Variants in ABTB3 observed in about 807,000 individuals in gnomAD.
ABTB3 encodes ankyrin repeat- and BTB/POZ domain-containing protein 3.
At chr12:107,469,934 CTTTCTT>C in the ABTB3 span, among the ~76,000 whole-genome samples, 210 of 89,676 alleles carry the variant, frequency 2.3e-3, 8 homozygotes, top group East Asian at 0.013. Flanking sequence ...CTCTCTCTCT[CTTTCTT>C]TCTCTTTCTT....
At chr12:107,413,242 C>G in the ABTB3 span, among the ~76,000 whole-genome samples, 6 of 152,060 alleles carry the variant, frequency 3.9e-5, no homozygotes, top group Non-Finnish European at 8.8e-5. Flanking sequence ...CCACTGCACT[C>G]CAGCCTGGGC....
chr12:107,454,891 A>G, the ABTB3 span, among the ~76,000 whole-genome samples: 1 of 152,232 alleles, frequency 6.6e-6, no homozygotes, highest in Non-Finnish European at 1.5e-5. Flanking sequence ...GTATGTGTCA[A>G]GGACTGTGCT....
the ABTB3 span, among the ~76,000 whole-genome samples, chr12:107,429,435 C>T: frequency 2.6e-5 from 4 of 152,254 alleles, no homozygotes; most frequent in African/African-American, 9.6e-5. Flanking sequence ...CAGCTCTCTT[C>T]ACTGGGATGT....
At chr12:107,353,888 C>A in the ABTB3 span, among the ~76,000 whole-genome samples, 1 of 152,060 alleles carries the variant, frequency 6.6e-6, no homozygotes, top group African/African-American at 2.4e-5. Context: ...CCATTCCCTC[C>A]CCCACCTCCC....
chr12:107,545,345 G>A, the ABTB3 span, among the ~76,000 whole-genome samples: 2 of 151,902 alleles, frequency 1.3e-5, no homozygotes, highest in Non-Finnish European at 2.9e-5. Context: ...CGGCTCAAGC[G>A]ATTCTCATTC....
At chr12:107,651,645 C>G in the ABTB3 span, 43 of 1,550,784 alleles carry the variant, frequency 2.8e-5, no homozygotes, top group Non-Finnish European at 2.9e-5. Context: ...ACCTCCCAGC[C>G]TCTAACAGAC....
At chr12:107,411,790 G>A in the ABTB3 span, among the ~76,000 whole-genome samples, 3 of 152,088 alleles carry the variant, frequency 2.0e-5, no homozygotes, top group African/African-American at 7.2e-5. Flanking sequence ...TGAGCTCTCC[G>A]TCTATACCCT....
chr12:107,531,974 C>T, the ABTB3 span, among the ~76,000 whole-genome samples: 10 of 152,278 alleles, frequency 6.6e-5, no homozygotes, highest in East Asian at 9.6e-4. Flanking sequence ...GGGGAACAGG[C>T]GGTCTTGCAC....
the ABTB3 span, among the ~76,000 whole-genome samples, chr12:107,531,970 C>T: frequency 6.6e-6 from 1 of 152,210 alleles, no homozygotes; most frequent in African/African-American, 2.4e-5. Flanking sequence ...CCATGGGGAA[C>T]AGGCGGTCTT....
the ABTB3 span, among the ~76,000 whole-genome samples, chr12:107,654,832 A>ACACACACACACACGCG: frequency 2.7e-5 from 4 of 147,358 alleles, no homozygotes; most frequent in Admixed American, 1.4e-4. Flanking sequence ...ACACACACAC[A>ACACACACACACACGCG]CACACACACA....
chr12:107,649,870 G>A, the ABTB3 span: 2 of 152,386 alleles, frequency 1.3e-5, no homozygotes, highest in Non-Finnish European at 2.9e-5. Flanking sequence ...ACTGGTTCTA[G>A]CCCCGCCTGT....
chr12:107,402,576 G>C, the ABTB3 span, among the ~76,000 whole-genome samples: 1 of 152,138 alleles, frequency 6.6e-6, no homozygotes, highest in Admixed American at 6.5e-5. Flanking sequence ...GCTTCCTGGG[G>C]CTTTTTGCTC....
chr12:107,617,464 G>A, the ABTB3 span: 1 of 1,610,624 alleles, frequency 6.2e-7, no homozygotes, highest in Non-Finnish European at 8.5e-7. Context: ...AAAGCCAGAG[G>A]TCCCGAGTGG....
the ABTB3 span, among the ~76,000 whole-genome samples, chr12:107,654,834 A>ACG: frequency 2.0e-5 from 3 of 148,578 alleles, no homozygotes; most frequent in African/African-American, 7.7e-5. Context: ...ACACACACAC[A>ACG]CACACACACA....
At chr12:107,502,262 G>T in the ABTB3 span, among the ~76,000 whole-genome samples, 2 of 151,928 alleles carry the variant, frequency 1.3e-5, no homozygotes, top group South Asian at 4.2e-4. Flanking sequence ...TAGAGATGGG[G>T]TTTCATCATG....
At chr12:107,635,242 G>A in the ABTB3 span, 1 of 1,570,580 alleles carries the variant, frequency 6.4e-7, no homozygotes, top group Non-Finnish European at 8.7e-7. Flanking sequence ...ACTGAGGCTG[G>A]CCACAGCCCC....
the ABTB3 span, chr12:107,319,628 C>T: frequency 6.5e-7 from 1 of 1,536,888 alleles, no homozygotes; most frequent in Non-Finnish European, 8.7e-7. Flanking sequence ...GCTGCGCATC[C>T]ACGAGCACGC....
chr12:107,334,085 G>A, the ABTB3 span, among the ~76,000 whole-genome samples: 5 of 152,238 alleles, frequency 3.3e-5, no homozygotes, highest in Non-Finnish European at 5.9e-5. Context: ...AGTAATGAAA[G>A]GTGAAAGCAC....
chr12:107,556,883 G>C, the ABTB3 span, among the ~76,000 whole-genome samples: 1 of 151,966 alleles, frequency 6.6e-6, no homozygotes, highest in Non-Finnish European at 1.5e-5. Flanking sequence ...ATGGTGGCAT[G>C]TGACTGTAAT....
Sources: allele counts gnomAD v4.1 joint callset (sites outside exome capture counted in the v4.1 genomes callset), GRCh38; gene constraint gnomAD v4.1.1; transcripts MANE v1.5; gene names NCBI Gene and HGNC (gene_info 2026-07-23, HGNC 2026-07-21).